Variants in PTPRT observed in about 807,000 individuals in gnomAD.
The protein encoded by PTPRT is protein tyrosine phosphatase receptor type T, also known as receptor-type tyrosine-protein phosphatase T.
A neutral mutation model predicts 176.8 loss-of-function variants in PTPRT; 56 were observed. The observed-to-expected ratio is 0.32, with a 90% CI of 0.26 to 0.40. The LOEUF is 0.40. Among genes scored for constraint, PTPRT ranks in the 10% least tolerant of loss-of-function variants. The probability of loss-of-function intolerance (pLI) is 1.00; values close to 1 mark genes in which losing one functional copy is unlikely to be tolerated. For synonymous variants in PTPRT, 783 were observed against 739.0 expected (o/e 1.06, Z -0.96); for missense variants, 1,540 against 1,908.2 (o/e 0.81, Z 3.60).
chr20:42,957,046 G>A (rs899514636), intron 1 of PTPRT, among the ~76,000 whole-genome samples: 1 of 152,070 alleles, frequency 6.6e-6, no homozygotes, highest in Non-Finnish European at 1.5e-5. Flanking sequence ...ATTCAACCAC[G>A]GAGTCTGCAT....
At chr20:42,249,913 A>AT (rs1399899827) in intron 13 of PTPRT, among the ~76,000 whole-genome samples, 3 of 152,156 alleles carry the variant, frequency 2.0e-5, no homozygotes, top group African/African-American at 7.2e-5. Context: ...TCCTGCTTCT[A>AT]TTTATATTCC....
At chr20:43,089,078 T>C (rs1021651713) in intron 1 of PTPRT, among the ~76,000 whole-genome samples, 5 of 152,212 alleles carry the variant, frequency 3.3e-5, no homozygotes, top group Admixed American at 6.5e-5. Flanking sequence ...GAAAGCTTAT[T>C]TGAGGGCCAA....
chr20:42,377,386 G>A (rs1568826030), intron 9 of PTPRT, among the ~76,000 whole-genome samples: 1 of 152,166 alleles, frequency 6.6e-6, no homozygotes. Context: ...GCAAACACCG[G>A]TCATTGCCCC....
intron 17 of PTPRT, among the ~76,000 whole-genome samples, chr20:42,143,566 A>C (rs982772660): frequency 1.3e-5 from 2 of 151,862 alleles, no homozygotes; most frequent in Non-Finnish European, 2.9e-5. Flanking sequence ...CAAAAAAAAA[A>C]AAAAAAAAGT....
At chr20:42,702,534 T>C (rs1342404781) in intron 6 of PTPRT, among the ~76,000 whole-genome samples, 1 of 152,166 alleles carries the variant, frequency 6.6e-6, no homozygotes, top group Non-Finnish European at 1.5e-5. Context: ...ATGGATCCTT[T>C]TCCCCCTAGC....
At chr20:42,753,253 G>T (rs1054776271) in intron 6 of PTPRT, among the ~76,000 whole-genome samples, 1 of 152,200 alleles carries the variant, frequency 6.6e-6, no homozygotes, top group Non-Finnish European at 1.5e-5. Context: ...GGATGGTCCT[G>T]TTTCTCAACC....
chr20:42,973,281 T>C (rs1038921993), intron 1 of PTPRT, among the ~76,000 whole-genome samples: 2 of 152,082 alleles, frequency 1.3e-5, no homozygotes, highest in African/African-American at 4.8e-5. Context: ...AAGTAGTACG[T>C]TTTGGGGAGG....
intron 2 of PTPRT, among the ~76,000 whole-genome samples, chr20:42,807,462 G>C (rs1025522504): frequency 2.0e-5 from 3 of 152,004 alleles, no homozygotes; most frequent in African/African-American, 7.3e-5. Context: ...CTCTGTGTAT[G>C]GTGGAAAGAG....
intron 15 of PTPRT, among the ~76,000 whole-genome samples, chr20:42,202,360 T>A (rs899832449): frequency 6.6e-6 from 1 of 152,252 alleles, no homozygotes; most frequent in East Asian, 1.9e-4. Flanking sequence ...TTTTTTTAAG[T>A]TGGCTCGGGG....
chr20:43,137,915 G>T (rs562436303), intron 1 of PTPRT, among the ~76,000 whole-genome samples: 10 of 152,318 alleles, frequency 6.6e-5, no homozygotes, highest in African/African-American at 2.4e-4. Context: ...AGACCAAGAG[G>T]TATGGGACCC....
At chr20:42,944,101 T>C (rs1173143910) in intron 1 of PTPRT, among the ~76,000 whole-genome samples, 1 of 152,190 alleles carries the variant, frequency 6.6e-6, no homozygotes, top group African/African-American at 2.4e-5. Context: ...AGAAAAGCTC[T>C]GTGTCTTTCC....
chr20:42,629,024 T>C (rs983813771), intron 7 of PTPRT, among the ~76,000 whole-genome samples: 4 of 152,210 alleles, frequency 2.6e-5, no homozygotes, highest in Non-Finnish European at 4.4e-5. Flanking sequence ...TGCTGTGTCA[T>C]GCAACAGAAG....
intron 2 of PTPRT, among the ~76,000 whole-genome samples, chr20:42,861,082 T>C (rs2078652735): frequency 6.6e-6 from 1 of 152,244 alleles, no homozygotes; most frequent in South Asian, 2.1e-4. Context: ...TCTCTGCTTC[T>C]AGCTGAGTTT....
At chr20:42,416,400 G>C (rs2059066258) in intron 9 of PTPRT, among the ~76,000 whole-genome samples, 1 of 152,178 alleles carries the variant, frequency 6.6e-6, no homozygotes, top group Non-Finnish European at 1.5e-5. Flanking sequence ...TCTGCTGTTT[G>C]AAGCCATAGG....
intron 4 of PTPRT, among the ~76,000 whole-genome samples, chr20:42,777,286 T>TC (rs2077151686): frequency 6.6e-6 from 1 of 152,094 alleles, no homozygotes; most frequent in South Asian, 2.1e-4. Context: ...GACCACCTTC[T>TC]CCTGTGCCCT....
intron 11 of PTPRT, among the ~76,000 whole-genome samples, chr20:42,344,211 T>G (rs533813893): frequency 2.3e-4 from 35 of 152,342 alleles, no homozygotes; most frequent in Non-Finnish European, 4.7e-4. Flanking sequence ...CCAAAGAGCA[T>G]GTTGAACAAT....
At position 42,283,735 on chromosome 20, in the gene PTPRT, G is replaced by A. The variant is rs531659995; in HGVS notation, c.2140-1210C>T. ...AGAAGCGACACTTTCACTTCTATGC[G>A]TGCTTTATTGGCTAGAACCAGACAC... On this transcript the variant is annotated intron_variant, in intron 12 of 30. Transcript: ENST00000373187. Among the ~76,000 whole-genome samples, 7 of 152,182 alleles carry A rather than the reference G, an allele frequency of 4.6e-5. No individual in the cohort carries two copies. In the South Asian group the frequency reaches 6.2e-4, roughly 14 times the overall value.
chr20:42,760,301 C>T (rs1274556826), intron 5 of PTPRT, among the ~76,000 whole-genome samples: 1 of 150,854 alleles, frequency 6.6e-6, no homozygotes, highest in East Asian at 2.0e-4. Flanking sequence ...CCTTCTCCTA[C>T]AGTAAATTAT....
At chr20:42,611,867 C>T (rs997438385) in intron 7 of PTPRT, among the ~76,000 whole-genome samples, 1 of 152,184 alleles carries the variant, frequency 6.6e-6, no homozygotes, top group African/African-American at 2.4e-5. Context: ...ATAGCTATTT[C>T]ACCCACCTCT....
Sources: allele counts gnomAD v4.1 joint callset (sites outside exome capture counted in the v4.1 genomes callset), GRCh38; gene constraint gnomAD v4.1.1; transcripts MANE v1.5; gene names NCBI Gene and HGNC (gene_info 2026-07-23, HGNC 2026-07-21).